NIPA2: variants seen among roughly 807,000 people sequenced by gnomAD.
NIPA2 encodes magnesium transporter NIPA2.
In NIPA2, 11 loss-of-function variants were observed where a neutral mutation model predicts 29.7. That is an observed-to-expected ratio of 0.37 (90% CI 0.23 to 0.61). The LOEUF (loss-of-function observed/expected upper bound fraction) is 0.61, where lower values mean the gene tolerates loss of function less well. NIPA2 is among the 20% of genes least tolerant of loss of function. The pLI, the probability that NIPA2 is intolerant of heterozygous loss-of-function variation, is 0.66. For synonymous variants in NIPA2, 183 were observed against 161.9 expected (o/e 1.13, Z -0.99); for missense variants, 426 against 437.9 (o/e 0.97, Z 0.24).
At chr15:22,861,009 AC>A (rs1356473650) in intron 7 of NIPA2, among the ~76,000 whole-genome samples, 1 of 152,128 alleles carries the variant, frequency 6.6e-6, no homozygotes, top group Non-Finnish European at 1.5e-5. Flanking sequence ...GCTACTACTT[AC>A]TTCCTTAGCT....
At chr15:22,841,146 G>A (rs1278975204) in intron 2 of NIPA2, among the ~76,000 whole-genome samples, 1 of 152,096 alleles carries the variant, frequency 6.6e-6, no homozygotes, top group African/African-American at 2.4e-5. Context: ...GTAGATTTTA[G>A]CTGCTTTTGT....
intron 7 of NIPA2, among the ~76,000 whole-genome samples, chr15:22,865,093 C>T (rs951024309): frequency 6.6e-6 from 1 of 152,072 alleles, no homozygotes; most frequent in African/African-American, 2.4e-5. Flanking sequence ...AACTCCTGAC[C>T]TCAGGTGATC....
intron 5 of NIPA2, among the ~76,000 whole-genome samples, chr15:22,856,770 C>G (rs1333760795): frequency 6.6e-6 from 1 of 151,434 alleles, no homozygotes; most frequent in Admixed American, 6.6e-5. Context: ...ATAACAGAAT[C>G]ATCCCATACT....
At position 22,841,509 on chromosome 15, in the gene NIPA2, A is replaced by T. The variant is rs567817810; in HGVS notation, c.-216+1719A>T. ...TAGGGCCCCACGTGATCTGACACTC[A>T]CCTTTTTTTTTCTTCTGAGATGCAG... On this transcript the variant is annotated intron_variant, in intron 2 of 7. Coordinates refer to ENST00000337451, the MANE Select transcript of NIPA2 (RefSeq NM_030922.7). Among the ~76,000 whole-genome samples the T allele has an allele frequency of 2.6e-5, 4 of 151,736 alleles. No individual in the cohort carries two copies. In the East Asian group the frequency reaches 7.8e-4, roughly 29 times the overall value.
chr15:22,848,723 G>A (rs1212588810), intron 3 of NIPA2, among the ~76,000 whole-genome samples: 1 of 150,224 alleles, frequency 6.7e-6, no homozygotes, highest in Non-Finnish European at 1.5e-5. Flanking sequence ...CTACTCAGAG[G>A]CTGAGGCAGG....
At chr15:22,845,710 C>T (rs546189594) in intron 3 of NIPA2, among the ~76,000 whole-genome samples, 38 of 151,870 alleles carry the variant, frequency 2.5e-4, no homozygotes, top group Non-Finnish European at 4.4e-4. Flanking sequence ...GAGGGCCTGT[C>T]TGAGGGTGTC....
At position 22,866,988 on chromosome 15, in the gene NIPA2, A is replaced by G; in HGVS notation, c.*141A>G. ...AAGATTTCACTAATTTGGACCAAGAAATTACTTTTCTTGTATTTAAACAAA... is the reference window on the plus strand; with the variant it reads ...AAGATTTCACTAATTTGGACCAAGAGATTACTTTTCTTGTATTTAAACAAA... On this transcript the variant is annotated 3_prime_UTR_variant, in exon 8 of 8. Coordinates refer to ENST00000337451, the MANE Select transcript of NIPA2 (RefSeq NM_030922.7). 1.3e-6 allele frequency: 1 copy of G among 798,328 alleles called. No homozygotes were observed. Among genetic ancestry groups the G allele is most frequent in the Non-Finnish European group, 1.9e-6 (1 of 524,798 alleles). The allele number at this position is 798,328 out of a possible 1,614,324, so 49.5% of individuals were successfully genotyped here.
In NIPA2 at chr15:22,866,815, T is replaced by A; in HGVS notation, c.1051T>A (p.Ser351Thr). ...CGAACAACACACTGGTGAAAATGTCTCCCGAAGAAATGGAAATCTGACAGC... is the reference window on the plus strand; with the variant it reads ...CGAACAACACACTGGTGAAAATGTCACCCGAAGAAATGGAAATCTGACAGC... The part of the protein sequence containing the change: ...GIEQHTGENV[S>T]RRNGNLTAF Residue 351 changes from serine to threonine, a missense_variant, in exon 8 of 8, where the codon TCC becomes ACC. Physicochemically the swap from Ser to Thr is moderately conservative, Grantham distance 58. Coordinates refer to ENST00000337451, the MANE Select transcript of NIPA2 (RefSeq NM_030922.7). 1 of 1,598,320 alleles carries A rather than the reference T, an allele frequency of 6.3e-7. No individual in the cohort carries two copies. Among genetic ancestry groups the A allele is most frequent in the South Asian group, 1.1e-5 (1 of 88,442 alleles).
At chr15:22,843,074 C>T (rs1897567629) in intron 2 of NIPA2, among the ~76,000 whole-genome samples, 1 of 151,654 alleles carries the variant, frequency 6.6e-6, no homozygotes, top group Admixed American at 6.6e-5. Context: ...TACTAGTTTA[C>T]ACAATTTGGT....
intron 2 of NIPA2, among the ~76,000 whole-genome samples, chr15:22,844,896 C>T (rs536506577): frequency 2.0e-5 from 3 of 152,170 alleles, no homozygotes; most frequent in East Asian, 1.9e-4. Flanking sequence ...TCGTGGAGTC[C>T]TTGAGGATAG....
intron 6 of NIPA2, among the ~76,000 whole-genome samples, chr15:22,859,747 T>G (rs1433064354): frequency 6.6e-6 from 1 of 152,210 alleles, no homozygotes; most frequent in Non-Finnish European, 1.5e-5. Flanking sequence ...TGACTGATTT[T>G]TATCTGTTTT....
chr15:22,841,612 G>A (rs1189140600), intron 2 of NIPA2, among the ~76,000 whole-genome samples: 3 of 151,934 alleles, frequency 2.0e-5, no homozygotes, highest in South Asian at 2.1e-4. Context: ...AGTTTCTAGC[G>A]ATTCTCCTGC....
intron 3 of NIPA2, among the ~76,000 whole-genome samples, chr15:22,851,076 T>G (rs895857629): frequency 1.3e-5 from 2 of 152,162 alleles, no homozygotes; most frequent in African/African-American, 4.8e-5. Flanking sequence ...AGGCCACCGG[T>G]ACCATACTGC....
At chr15:22,849,701 A>G (rs2057575160) in intron 3 of NIPA2, among the ~76,000 whole-genome samples, 1 of 151,888 alleles carries the variant, frequency 6.6e-6, no homozygotes, top group Non-Finnish European at 1.5e-5. Flanking sequence ...CTGGAACTAC[A>G]GGCGCCTGCC....
At position 22,866,742 on chromosome 15, in the gene NIPA2, T is replaced by C. The variant is rs112348113; in HGVS notation, c.978T>C (p.Asn326=). 2.0e-5 allele frequency: 32 copies of C among 1,613,850 alleles called. No individual in the cohort carries two copies. The highest frequency in any genetic ancestry group is 2.7e-5 in the Non-Finnish European group (32 of 1,179,856). The part of the protein sequence containing the change: ...DEKAMNGNLS[N]MYEVLNNNEE... ...AAGCAATGAATGGCAATCTCTCTAA[T>C]ATGTATGAAGTTCTTAATAATAATG... Residue 326 remains asparagine, a synonymous_variant, in exon 8 of 8, where the codon AAT becomes AAC. Coordinates refer to ENST00000337451, the MANE Select transcript of NIPA2 (RefSeq NM_030922.7).
chr15:22,845,809 C>G (rs1185993112), intron 3 of NIPA2, among the ~76,000 whole-genome samples: 1 of 152,090 alleles, frequency 6.6e-6, no homozygotes, highest in East Asian at 1.9e-4. Flanking sequence ...ATGGACCCAG[C>G]TGGTCAGAAA....
In NIPA2 at chr15:22,838,814, G is replaced by A. The variant is rs534381241; in HGVS notation, c.-459G>A. On this transcript the variant is annotated 5_prime_UTR_variant, in exon 1 of 8. Coordinates refer to ENST00000337451, the MANE Select transcript of NIPA2 (RefSeq NM_030922.7). ...CATCTCCCACTGGACGGCGACGAAG[G>A]CGGTGGCCGTGCGAGCGCAGGACTG... is the stretch of plus-strand genomic sequence containing the variant. 2.0e-5 allele frequency: 3 copies of A among 152,834 alleles called. No homozygotes were observed. The highest frequency in any genetic ancestry group is 2.1e-4 in the South Asian group (1 of 4,834). The allele number at this position is 152,834 out of a possible 1,614,324, so 9.5% of individuals were successfully genotyped here. A position where few individuals can be genotyped will look rare whatever the true frequency, so the allele number is the denominator to read the frequency against.
At chr15:22,842,942 G>A (rs901886567) in intron 2 of NIPA2, among the ~76,000 whole-genome samples, 5 of 151,674 alleles carry the variant, frequency 3.3e-5, no homozygotes, top group African/African-American at 1.2e-4. Flanking sequence ...GGCGGAGCTT[G>A]CAGTGAGCAG....
In NIPA2 at chr15:22,863,665, T is replaced by C. The variant is rs959179552; in HGVS notation, c.449-2548T>C. ...ATAGTTCCCTCCTTTCTGGGTCTTGTTCCATTCAGTTCCAGCTGCTTAGGC... is the reference window on the plus strand; with the variant it reads ...ATAGTTCCCTCCTTTCTGGGTCTTGCTCCATTCAGTTCCAGCTGCTTAGGC... On this transcript the variant is annotated intron_variant, in intron 7 of 7. Transcript: ENST00000337451. Among the ~76,000 whole-genome samples, 5 of 152,218 alleles carry C rather than the reference T, an allele frequency of 3.3e-5. 1 individual carries two copies. The highest frequency in any genetic ancestry group is 3.3e-4 in the Admixed American group (5 of 15,284).
Sources: gnomAD v4.1 joint callset for allele counts (sites outside exome capture counted in the v4.1 genomes callset) on GRCh38, gnomAD v4.1.1 for gene constraint, MANE v1.5 for transcripts, NCBI Gene and HGNC (gene_info 2026-07-23, HGNC 2026-07-21) for gene names.